Variants in SVOP observed in about 807,000 individuals in gnomAD.
SVOP encodes the protein SV2 related protein, also known as synaptic vesicle 2-related protein.
A neutral mutation model predicts 69.1 loss-of-function variants in SVOP; 17 were observed. The observed-to-expected ratio is 0.25, with a 90% CI of 0.17 to 0.37. The LOEUF is 0.37. SVOP is among the 10% of genes least tolerant of loss of function. SVOP has a pLI of 1.00. For missense variants in SVOP, 435 were observed against 597.5 expected (o/e 0.73, Z 2.84); for synonymous variants, 238 against 238.6 (o/e 1.00, Z 0.02).
At chr12:108,971,607 C>G (rs2040079590) in intron 5 of SVOP, among the ~76,000 whole-genome samples, 2 of 152,058 alleles carry the variant, frequency 1.3e-5, no homozygotes, top group Non-Finnish European at 2.9e-5. Flanking sequence ...AAAGCTGGCT[C>G]TAAGATAAGG....
At chr12:108,926,997 G>A (rs886559428) in intron 11 of SVOP, among the ~76,000 whole-genome samples, 13 of 152,170 alleles carry the variant, frequency 8.5e-5, no homozygotes, top group African/African-American at 2.9e-4. Flanking sequence ...TATGGCTTTC[G>A]AAGATAAAAT....
chr12:108,937,207 C>T (rs2039861605), intron 10 of SVOP, 57 bp downstream of exon 10: 2 of 1,591,132 alleles, frequency 1.3e-6, no homozygotes, highest in Non-Finnish European at 1.7e-6. Context: ...AAAACAAAAC[C>T]CAAAACAGGG....
rs2040015814 is a variant in SVOP at position 108,961,150 on chromosome 12, G to T, written c.454-103C>A. 1.1e-5 allele frequency: 15 copies of T among 1,386,624 alleles called. 1 individual carries two copies. In the South Asian group the frequency reaches 2.4e-4, roughly 22 times the overall value. The allele number at this position is 1,386,624 out of a possible 1,614,324, so 85.9% of individuals were successfully genotyped here. A position where few individuals can be genotyped will look rare whatever the true frequency, so the allele number is the denominator to read the frequency against. ...CGATAATGGGGTCACATTAAAGGGAGCCTACACAACCAAGGGGGTACTGGG... is the reference window on the plus strand; with the variant it reads ...CGATAATGGGGTCACATTAAAGGGATCCTACACAACCAAGGGGGTACTGGG... On this transcript the variant is annotated intron_variant, in intron 5 of 15. Coordinates refer to ENST00000610966, the MANE Select transcript of SVOP (RefSeq NM_018711.5).
At chr12:109,004,439 TCTTA>T (rs900015439) in intron 1 of SVOP, among the ~76,000 whole-genome samples, 1 of 119,352 alleles carries the variant, frequency 8.4e-6, no homozygotes, top group African/African-American at 2.8e-5. Context: ...TGAGACAGGG[TCTTA>T]CTCTGTTGCC....
intron 7 of SVOP, among the ~76,000 whole-genome samples, chr12:108,941,801 A>C (rs746790468): frequency 2.0e-5 from 3 of 152,006 alleles, no homozygotes; most frequent in Non-Finnish European, 4.4e-5. Context: ...AGCTGGGATT[A>C]CAGGCGCCCC....
intron 2 of SVOP, among the ~76,000 whole-genome samples, chr12:108,983,098 GATCACCATCATCATA>G (rs1402346019): frequency 8.3e-6 from 1 of 120,972 alleles, no homozygotes; most frequent in Non-Finnish European, 1.7e-5. Context: ...CCATCATCAT[GATCACCATCATCATA>G]ATCACCATAA....
At chr12:109,011,216 T>C (rs979377433) in intron 1 of SVOP, among the ~76,000 whole-genome samples, 2 of 151,782 alleles carry the variant, frequency 1.3e-5, no homozygotes, top group Non-Finnish European at 2.9e-5. Context: ...TGCACTATCT[T>C]ATATAAGGCA....
chr12:108,964,026 A>C (rs2040031651), intron 5 of SVOP, among the ~76,000 whole-genome samples: 1 of 152,064 alleles, frequency 6.6e-6, no homozygotes, highest in Non-Finnish European at 1.5e-5. Flanking sequence ...CCATGTTACA[A>C]GTGATCGATT....
intron 1 of SVOP, among the ~76,000 whole-genome samples, chr12:108,985,937 G>A (rs2040163606): frequency 6.6e-6 from 1 of 152,162 alleles, no homozygotes; most frequent in Non-Finnish European, 1.5e-5. Context: ...AGTTCTAGAA[G>A]AGAAAAGACA....
At chr12:108,958,719 G>A (rs536666384) in intron 6 of SVOP, among the ~76,000 whole-genome samples, 8 of 152,144 alleles carry the variant, frequency 5.3e-5, no homozygotes, top group Non-Finnish European at 1.2e-4. Context: ...CAGGAGCTGA[G>A]TCCCTTGCAG....
At chr12:109,009,511 C>G (rs1432240000) in intron 1 of SVOP, among the ~76,000 whole-genome samples, 1 of 152,120 alleles carries the variant, frequency 6.6e-6, no homozygotes, top group Non-Finnish European at 1.5e-5. Flanking sequence ...CTCCTGGATT[C>G]AAGCGATTCT....
At chr12:108,937,861 AAT>A (rs2039865807) in intron 9 of SVOP, among the ~76,000 whole-genome samples, 1 of 152,256 alleles carries the variant, frequency 6.6e-6, no homozygotes, top group South Asian at 2.1e-4. Flanking sequence ...TTCTTTAAAA[AAT>A]ATATGCTATG....
At chr12:108,928,727 C>T (rs1039529775) in intron 11 of SVOP, among the ~76,000 whole-genome samples, 2 of 152,080 alleles carry the variant, frequency 1.3e-5, no homozygotes, top group African/African-American at 4.8e-5. Flanking sequence ...CCACCACACT[C>T]GGCTCAGTTT....
At position 108,912,207 on chromosome 12, in the gene SVOP, T is replaced by C; in HGVS notation, c.*328A>G. Reference sequence around the variant, plus strand: ...AGATATTTTGGTTGTTCACTGAGGGTTTGGCCGGGTGACTCTGGGTGGTGT... The same window carrying C: ...AGATATTTTGGTTGTTCACTGAGGGCTTGGCCGGGTGACTCTGGGTGGTGT... On this transcript the variant is annotated 3_prime_UTR_variant, in exon 16 of 16. Coordinates refer to ENST00000610966, the MANE Select transcript of SVOP (RefSeq NM_018711.5). 4.2e-6 allele frequency: 5 copies of C among 1,181,128 alleles called. No individual in the cohort carries two copies. Among genetic ancestry groups the C allele is most frequent in the Non-Finnish European group, 5.3e-6 (5 of 950,254 alleles). 73.2% of individuals were successfully genotyped at this position (1,181,128 alleles called of 1,614,324 possible). A position where few individuals can be genotyped will look rare whatever the true frequency, so the allele number is the denominator to read the frequency against.
intron 3 of SVOP, among the ~76,000 whole-genome samples, chr12:108,977,793 GA>G (rs199913823): frequency 0.67 from 101,883 of 152,036 alleles, 34,647 homozygotes; most frequent in East Asian, 0.79. Context: ...TAAAATCTGA[GA>G]AAAAAACATT....
At chr12:108,966,027 C>T (rs2040043865) in intron 5 of SVOP, among the ~76,000 whole-genome samples, 1 of 143,582 alleles carries the variant, frequency 7.0e-6, no homozygotes, top group Non-Finnish European at 1.5e-5. Context: ...TTAGAGATGA[C>T]ATCTTGCTCT....
rs771485458 is a variant in SVOP, at chr12:108,912,537, A to C, written c.1645T>G (p.Ter549GluextTer1). Residue 549 changes from the stop codon to glutamate (E), a stop_lost, in exon 16 of 16, where the codon TAG becomes GAG. Transcript: ENST00000610966. ...VTRSNSGSQE[*>E] ...CCAGCTCAGTCCCCCATCGGTCACT[A>C]TTCCTGAGAGCCAGAGTTCGACCTG... 6.2e-7 allele frequency: 1 copy of C among 1,613,760 alleles called. No homozygotes were observed. Among genetic ancestry groups the C allele is most frequent in the Admixed American group, 1.7e-5 (1 of 60,014 alleles).
chr12:108,944,751 G>A (rs942863174), intron 7 of SVOP, among the ~76,000 whole-genome samples: 9 of 152,118 alleles, frequency 5.9e-5, no homozygotes, highest in Non-Finnish European at 1.0e-4. Context: ...CAGGTGGTGG[G>A]TGATGATATG....
chr12:109,009,471 T>C lies in SVOP; in HGVS notation c.35+11363A>G, dbSNP rs551014361. 4.6e-5 allele frequency among the ~76,000 whole-genome samples: 7 copies of C among 151,958 alleles called. No individual in the cohort carries two copies. In the East Asian group the frequency reaches 9.8e-4, roughly 21 times the overall value. ...CAGAGGAGTGAGGCTTAAAGAGAGA[T>C]CTGAAGATGCTGTAGAAATGAGTGA... On this transcript the variant is annotated intron_variant, in intron 1 of 15. Transcript: ENST00000610966.
Sources: gnomAD v4.1 joint callset for allele counts (sites outside exome capture counted in the v4.1 genomes callset) on GRCh38, gnomAD v4.1.1 for gene constraint, MANE v1.5 for transcripts, NCBI Gene and HGNC (gene_info 2026-07-23, HGNC 2026-07-21) for gene names.